The following WDPCP variants were observed in gnomAD, a reference collection of about 807,000 sequenced individuals.
WDPCP encodes the protein WD repeat-containing and planar cell polarity effector protein fritz homolog.
Under a neutral mutation model 93.1 loss-of-function variants are expected in WDPCP, and 71 were observed. The observed-to-expected ratio is 0.76, with a 90% CI of 0.63 to 0.93. WDPCP has a LOEUF of 0.93. Among genes scored for constraint, WDPCP ranks in the 40% least tolerant of loss-of-function variants. WDPCP has a pLI of 0.00. For synonymous variants in WDPCP, 315 were observed against 315.0 expected (o/e 1.00, Z 0.00); for missense variants, 844 against 887.4 (o/e 0.95, Z 0.62).
chr2:63,359,266 G>A (rs986902472), intron 12 of WDPCP, among the ~76,000 whole-genome samples: 1 of 152,244 alleles, frequency 6.6e-6, no homozygotes, highest in African/African-American at 2.4e-5. Context: ...TTTCTCTCAT[G>A]CTTAAGACGT....
chr2:63,406,470 C>T (rs1237205998), intron 9 of WDPCP, among the ~76,000 whole-genome samples: 1 of 152,162 alleles, frequency 6.6e-6, no homozygotes, highest in African/African-American at 2.4e-5. Flanking sequence ...CAGGGGCATA[C>T]ACTTGTAAAG....
chr2:63,180,389 T>C (rs1674153066), intron 14 of WDPCP, among the ~76,000 whole-genome samples: 2 of 152,202 alleles, frequency 1.3e-5, no homozygotes, highest in African/African-American at 4.8e-5. Context: ...CCATACTTTA[T>C]GTCCATATGT....
At chr2:63,170,612 T>C (rs190371746) in intron 15 of WDPCP, among the ~76,000 whole-genome samples, 16 of 152,186 alleles carry the variant, frequency 1.1e-4, no homozygotes, top group Non-Finnish European at 7.4e-5. Context: ...ATATACCCAG[T>C]TGCTTATTCC....
intron 12 of WDPCP, among the ~76,000 whole-genome samples, chr2:63,359,031 C>A (rs542423413): frequency 6.6e-6 from 1 of 152,120 alleles, no homozygotes; most frequent in East Asian, 1.9e-4. Flanking sequence ...CTATGTATAC[C>A]TATCTCTTCT....
rs541568986 is a variant in WDPCP, at chr2:63,525,025, A to G, written c.76-32085T>C. Among the ~76,000 whole-genome samples, 6 of 152,374 alleles carry G rather than the reference A, an allele frequency of 3.9e-5. 1 individual carries two copies. In the East Asian group the frequency reaches 1.2e-3, roughly 29 times the overall value. On this transcript the variant is annotated intron_variant, in intron 1 of 17. Transcript: ENST00000272321. ...TTCATCAATGGTAGACTGGATAAAGAAAATGTGGTATAGATACACAAAGTA... is the reference window on the plus strand; with the variant it reads ...TTCATCAATGGTAGACTGGATAAAGGAAATGTGGTATAGATACACAAAGTA...
intron 3 of WDPCP, among the ~76,000 whole-genome samples, chr2:63,596,617 C>G (rs1709316382): frequency 6.6e-6 from 1 of 152,086 alleles, no homozygotes; most frequent in Non-Finnish European, 1.5e-5. Flanking sequence ...TTTTTTTTCT[C>G]CAACTGGTGT....
chr2:63,832,857 T>C, the WDPCP span, among the ~76,000 whole-genome samples: 7 of 152,178 alleles, frequency 4.6e-5, no homozygotes, highest in African/African-American at 1.7e-4. Context: ...TAATAGTAAA[T>C]CAATTAATAA....
intron 14 of WDPCP, among the ~76,000 whole-genome samples, chr2:63,212,162 T>C (rs1270723282): frequency 6.6e-6 from 1 of 151,910 alleles, no homozygotes; most frequent in Non-Finnish European, 1.5e-5. Flanking sequence ...GGACACAAAA[T>C]TGTCAGATTC....
At chr2:63,332,450 CTTA>C (rs1688047470) in intron 12 of WDPCP, among the ~76,000 whole-genome samples, 1 of 151,974 alleles carries the variant, frequency 6.6e-6, no homozygotes, top group African/African-American at 2.4e-5. Context: ...GTAGTGGCTT[CTTA>C]TTATATGTAA....
At chr2:63,214,037 T>G (rs1677081219) in intron 14 of WDPCP, among the ~76,000 whole-genome samples, 2 of 152,116 alleles carry the variant, frequency 1.3e-5, no homozygotes, top group Admixed American at 1.3e-4. Flanking sequence ...GAATTCTACC[T>G]GAGGTACAAA....
At chr2:63,565,891 A>C (rs1042607850) in intron 1 of WDPCP, among the ~76,000 whole-genome samples, 2 of 152,190 alleles carry the variant, frequency 1.3e-5, no homozygotes, top group African/African-American at 4.8e-5. Flanking sequence ...GCCATCGCCC[A>C]GTCCTGTCTA....
At chr2:63,388,144 C>A (rs1366875592) in intron 10 of WDPCP, among the ~76,000 whole-genome samples, 1 of 152,052 alleles carries the variant, frequency 6.6e-6, no homozygotes, top group Non-Finnish European at 1.5e-5. Context: ...GAGAGCCGTT[C>A]CAAGATGGCT....
intron 1 of WDPCP, among the ~76,000 whole-genome samples, chr2:63,822,912 A>C (rs1232855147): frequency 2.0e-5 from 3 of 150,754 alleles, no homozygotes; most frequent in Non-Finnish European, 4.4e-5. Context: ...ATTTGATCAG[A>C]TCTGCTTCTG....
intron 14 of WDPCP, among the ~76,000 whole-genome samples, chr2:63,198,923 AT>A (rs1167297206): frequency 6.6e-6 from 1 of 152,142 alleles, no homozygotes; most frequent in African/African-American, 2.4e-5. Context: ...GACTGGTTAA[AT>A]TGTTGAAGTC....
At chr2:63,213,052 T>C (rs991832219) in intron 14 of WDPCP, among the ~76,000 whole-genome samples, 17 of 152,236 alleles carry the variant, frequency 1.1e-4, no homozygotes, top group Admixed American at 1.1e-3. Context: ...CTGTCAACAT[T>C]AGACAGATCC....
intron 3 of WDPCP, chr2:63,594,687 A>G: frequency 3.7e-6 from 3 of 808,746 alleles, no homozygotes; most frequent in Non-Finnish European, 6.0e-6. Flanking sequence ...GTGAAGGAAT[A>G]TGTAATCCCA....
intron 2 of WDPCP, among the ~76,000 whole-genome samples, chr2:63,729,668 C>A (rs562174446): frequency 3.3e-5 from 5 of 152,116 alleles, no homozygotes; most frequent in Admixed American, 6.6e-5. Context: ...ACTCAATTTT[C>A]TATTTTCTTA....
chr2:63,260,301 A>ATGAT (rs1254565761), intron 13 of WDPCP, among the ~76,000 whole-genome samples: 17 of 152,238 alleles, frequency 1.1e-4, no homozygotes, highest in African/African-American at 4.1e-4. Flanking sequence ...GCTACGCGGA[A>ATGAT]TGATTGTTGG....
chr2:63,486,436 A>T (rs866775318), intron 4 of WDPCP, 106 bp downstream of exon 4: 11 of 1,029,866 alleles, frequency 1.1e-5, no homozygotes, highest in African/African-American at 4.9e-5. Flanking sequence ...ATAGGAATTT[A>T]AAAAATTTGG....
Sources: allele counts gnomAD v4.1 joint callset (sites outside exome capture counted in the v4.1 genomes callset), GRCh38; gene constraint gnomAD v4.1.1; transcripts MANE v1.5; gene names NCBI Gene and HGNC (gene_info 2026-07-23, HGNC 2026-07-21).